MAGI1: variants seen among roughly 807,000 people sequenced by gnomAD.
The protein encoded by MAGI1 is membrane-associated guanylate kinase, WW and PDZ domain-containing protein 1.
MAGI1 carries 58 observed loss-of-function variants against 139.9 expected under a neutral mutation model. The observed-to-expected ratio is 0.41, with a 90% CI of 0.34 to 0.52. MAGI1 has a LOEUF of 0.52. Ranked by LOEUF, MAGI1 falls within the 20% of genes least tolerant of loss-of-function variation. The pLI, the probability that MAGI1 is intolerant of heterozygous loss-of-function variation, is 0.12. For synonymous variants in MAGI1, 812 were observed against 737.9 expected (o/e 1.10, Z -1.63); for missense variants, 1,874 against 1,901.6 (o/e 0.99, Z 0.27).
chr3:65,771,630 T>C (rs937640930), intron 1 of MAGI1, among the ~76,000 whole-genome samples: 14 of 152,218 alleles, frequency 9.2e-5, no homozygotes, highest in Non-Finnish European at 2.1e-4. Context: ...ATTTAGCTTA[T>C]AATGTTTTAT....
chr3:65,426,998 A>T (rs1266176557), intron 12 of MAGI1, among the ~76,000 whole-genome samples: 1 of 152,210 alleles, frequency 6.6e-6, no homozygotes, highest in Non-Finnish European at 1.5e-5. Context: ...AATTAAGAAG[A>T]GAGAATGCAA....
intron 2 of MAGI1, among the ~76,000 whole-genome samples, chr3:65,591,702 C>T (rs761189562): frequency 1.3e-5 from 2 of 152,164 alleles, no homozygotes; most frequent in Non-Finnish European, 2.9e-5. Flanking sequence ...CCTCTCCTCC[C>T]ATAGTTCTAA....
In MAGI1 at chr3:65,975,262, C is replaced by T. The variant is rs1166967959; in HGVS notation, c.313+62734G>A. ...AGCAAACACATCAGTGCCAAGAAAGCGAATTTCCAAAATTATGTCTGTCTC... is the reference window on the plus strand; with the variant it reads ...AGCAAACACATCAGTGCCAAGAAAGTGAATTTCCAAAATTATGTCTGTCTC... On this transcript the variant is annotated intron_variant, in intron 1 of 22. Coordinates refer to ENST00000402939, the MANE Select transcript of MAGI1 (RefSeq NM_001033057.2). Among the ~76,000 whole-genome samples, 6 of 152,198 alleles carry T rather than the reference C, an allele frequency of 3.9e-5. No individual in the cohort carries two copies. The East Asian group carries it at 7.7e-4, about 20-fold the overall frequency.
chr3:65,866,231 ACAG>A (rs1437154247), intron 1 of MAGI1, among the ~76,000 whole-genome samples: 4 of 151,064 alleles, frequency 2.6e-5, no homozygotes, highest in African/African-American at 9.8e-5. Context: ...TTTTTTTTTA[ACAG>A]ACAGAGTCTT....
intron 1 of MAGI1, among the ~76,000 whole-genome samples, chr3:65,631,214 G>A (rs1201240167): frequency 6.6e-6 from 1 of 152,156 alleles, no homozygotes; most frequent in Non-Finnish European, 1.5e-5. Flanking sequence ...GATGGAGGAA[G>A]ACACCACATG....
intron 1 of MAGI1, among the ~76,000 whole-genome samples, chr3:65,879,064 G>A (rs976779429): frequency 5.3e-5 from 8 of 151,942 alleles, no homozygotes; most frequent in East Asian, 1.9e-4. Context: ...ATCAATCCAC[G>A]TTTGAAAAAC....
intron 2 of MAGI1, among the ~76,000 whole-genome samples, chr3:65,611,515 C>T (rs1263679266): frequency 7.0e-6 from 1 of 143,744 alleles, no homozygotes. Flanking sequence ...TATATATGTA[C>T]ATACAGCAGA....
intron 2 of MAGI1, among the ~76,000 whole-genome samples, chr3:65,568,140 C>A (rs972117913): frequency 6.6e-6 from 1 of 152,132 alleles, no homozygotes; most frequent in African/African-American, 2.4e-5. Context: ...CAAACTCCCA[C>A]CCAAAGACCA....
intron 1 of MAGI1, among the ~76,000 whole-genome samples, chr3:65,710,468 T>C (rs1487894126): frequency 6.6e-6 from 1 of 151,702 alleles, no homozygotes; most frequent in Non-Finnish European, 1.5e-5. Context: ...TTAGTAGAGA[T>C]GGGGTTTCTC....
chr3:65,672,699 A>G (rs1239752344), intron 1 of MAGI1, among the ~76,000 whole-genome samples: 1 of 152,208 alleles, frequency 6.6e-6, no homozygotes, highest in Non-Finnish European at 1.5e-5. Flanking sequence ...CATGTTATCA[A>G]TTCAGTTGAT....
At chr3:65,849,001 C>CTTTTTTTTTTTTTTTTTTT (rs558270441) in intron 1 of MAGI1, among the ~76,000 whole-genome samples, 1 of 39,644 alleles carries the variant, frequency 2.5e-5, no homozygotes, top group Non-Finnish European at 4.6e-5. Context: ...TCAGAGCATT[C>CTTTTTTTTTTTTTTTTTTT]TTTTTTTTTT....
chr3:65,975,595 A>G (rs1261755240), intron 1 of MAGI1, among the ~76,000 whole-genome samples: 1 of 152,128 alleles, frequency 6.6e-6, no homozygotes, highest in Non-Finnish European at 1.5e-5. Flanking sequence ...CTCTCTACCA[A>G]AAATACAAAA....
chr3:65,946,517 G>A (rs905812326), intron 1 of MAGI1, among the ~76,000 whole-genome samples: 2 of 152,106 alleles, frequency 1.3e-5, no homozygotes, highest in African/African-American at 4.8e-5. Context: ...AGCCAAGGGT[G>A]GCAATGACTT....
At chr3:65,930,728 G>T (rs112184555) in intron 1 of MAGI1, among the ~76,000 whole-genome samples, 8,806 of 152,188 alleles carry the variant, frequency 0.058, 366 homozygotes, top group Middle Eastern at 0.1. Flanking sequence ...AGATGATAAC[G>T]CAAGTGACCT....
chr3:65,874,928 G>A (rs2060063291), intron 1 of MAGI1: 1 of 152,518 alleles, frequency 6.6e-6, no homozygotes, highest in East Asian at 1.9e-4. Context: ...CCATTAAAAG[G>A]AATGAAAAGC....
chr3:65,650,947 AT>A (rs2085541405), intron 1 of MAGI1, among the ~76,000 whole-genome samples: 1 of 152,230 alleles, frequency 6.6e-6, no homozygotes, highest in Non-Finnish European at 1.5e-5. Context: ...TATCTGAAAA[AT>A]GCATATTTTT....
chr3:65,880,124 C>A (rs548929660), intron 1 of MAGI1, among the ~76,000 whole-genome samples: 1 of 152,116 alleles, frequency 6.6e-6, no homozygotes, highest in Non-Finnish European at 1.5e-5. Flanking sequence ...CACCTGTAGT[C>A]CCAGCTACTC....
At chr3:66,005,042 T>G (rs17074267) in intron 1 of MAGI1, among the ~76,000 whole-genome samples, 300 of 152,354 alleles carry the variant, frequency 2.0e-3, no homozygotes, top group African/African-American at 6.3e-3. Context: ...TCTGCTGAAT[T>G]ATAATTCCAA....
At chr3:65,619,171 A>G (rs1164802794) in intron 2 of MAGI1, among the ~76,000 whole-genome samples, 3 of 152,204 alleles carry the variant, frequency 2.0e-5, no homozygotes, top group Non-Finnish European at 4.4e-5. Context: ...AAAGTAAAAT[A>G]GCAGCAGATG....
Sources: gnomAD v4.1 joint callset for allele counts (sites outside exome capture counted in the v4.1 genomes callset) on GRCh38, gnomAD v4.1.1 for gene constraint, MANE v1.5 for transcripts, NCBI Gene and HGNC (gene_info 2026-07-23, HGNC 2026-07-21) for gene names.